The following CHST8 variants were observed in gnomAD, a reference collection of about 807,000 sequenced individuals.
CHST8 encodes the protein GALNAC-4-ST1.
CHST8 carries 10 observed loss-of-function variants against 15.0 expected under a neutral mutation model. That is an observed-to-expected ratio of 0.67 (90% CI 0.41 to 1.13). The LOEUF is 1.13. CHST8 is among the 50% of genes most tolerant of loss of function. The probability of loss-of-function intolerance (pLI) is 0.00; values close to 1 mark genes in which losing one functional copy is unlikely to be tolerated. For missense variants in CHST8, 634 were observed against 608.2 expected (o/e 1.04, Z -0.45); for synonymous variants, 259 against 256.6 (o/e 1.01, Z -0.09).
rs1600244159 is a variant in CHST8 at position 33,661,585 on chromosome 19, T to G, written c.-163-6182T>G. Reference sequence around the variant, plus strand: ...CATGGCTGGGCCATCAGGAAAGGGGTGATGCCCACTGCCTCACCACATTCT... The same window carrying G: ...CATGGCTGGGCCATCAGGAAAGGGGGGATGCCCACTGCCTCACCACATTCT... On this transcript the variant is annotated intron_variant, in intron 1 of 4. Coordinates refer to ENST00000650847, the MANE Select transcript of CHST8 (RefSeq NM_001127895.2). Among the ~76,000 whole-genome samples the G allele has an allele frequency of 7.2e-5, 11 of 151,818 alleles. 1 individual carries two copies. In the South Asian group the frequency reaches 2.3e-3, roughly 32 times the overall value.
intron 1 of CHST8, among the ~76,000 whole-genome samples, chr19:33,666,753 A>G (rs1318833841): frequency 6.6e-6 from 1 of 151,926 alleles, no homozygotes; most frequent in Non-Finnish European, 1.5e-5. Context: ...CCCAGGCTGG[A>G]GTGCAGTGGT....
chr19:33,747,319 A>C (rs1974332880), intron 3 of CHST8, among the ~76,000 whole-genome samples: 1 of 151,890 alleles, frequency 6.6e-6, no homozygotes, highest in African/African-American at 2.4e-5. Context: ...GTCCTTAGAG[A>C]TCTGACCTCA....
chr19:33,712,206 C>CT, intron 3 of CHST8, among the ~76,000 whole-genome samples: 1 of 152,352 alleles, frequency 6.6e-6, no homozygotes, highest in South Asian at 2.1e-4. Context: ...AGCTGGGTGG[C>CT]TGTTTAATCA....
intron 3 of CHST8, among the ~76,000 whole-genome samples, chr19:33,704,852 G>A (rs961730780): frequency 6.6e-6 from 1 of 151,190 alleles, no homozygotes. Context: ...GGAAGTTGCA[G>A]TGAGCTGAAA....
intron 3 of CHST8, among the ~76,000 whole-genome samples, chr19:33,691,890 A>T (rs1973105206): frequency 6.6e-6 from 1 of 152,212 alleles, no homozygotes; most frequent in Admixed American, 6.5e-5. Flanking sequence ...CCATGGCATG[A>T]ACTGTCCTGG....
At chr19:33,688,729 G>A (rs1600264910) in intron 2 of CHST8, among the ~76,000 whole-genome samples, 1 of 152,164 alleles carries the variant, frequency 6.6e-6, no homozygotes, top group South Asian at 2.1e-4. Flanking sequence ...AAGCAGGGTG[G>A]AGGCACATCC....
At chr19:33,755,103 G>A (rs942959140) in intron 3 of CHST8, among the ~76,000 whole-genome samples, 1 of 152,110 alleles carries the variant, frequency 6.6e-6, no homozygotes, top group East Asian at 1.9e-4. Flanking sequence ...CACCCCCCAG[G>A]GGCTCAGGAT....
intron 3 of CHST8, among the ~76,000 whole-genome samples, chr19:33,701,951 G>A (rs1023780682): frequency 6.6e-6 from 1 of 152,070 alleles, no homozygotes; most frequent in African/African-American, 2.4e-5. Context: ...CTTTCCTTTT[G>A]CTATTAGTTA....
intron 3 of CHST8, among the ~76,000 whole-genome samples, chr19:33,695,821 C>CTTTCTTTTTTTTTTTTTT (rs57718433): frequency 1.3e-5 from 1 of 76,234 alleles, no homozygotes; most frequent in African/African-American, 6.2e-5. Flanking sequence ...TTCTTTCTTT[C>CTTTCTTTTTTTTTTTTTT]TTTTTTTTTT....
chr19:33,632,139 C>CTTT (rs60403211), intron 1 of CHST8, among the ~76,000 whole-genome samples: 10 of 138,980 alleles, frequency 7.2e-5, no homozygotes, highest in Admixed American at 6.5e-4. Flanking sequence ...CTCTCTCTCT[C>CTTT]TTTTTTTTTT....
intron 3 of CHST8, among the ~76,000 whole-genome samples, chr19:33,726,572 G>C (rs550641375): frequency 9.5e-4 from 145 of 152,252 alleles, no homozygotes; most frequent in Non-Finnish European, 1.6e-3. Flanking sequence ...GTGAGCATCA[G>C]CTGGGAGGTG....
intron 1 of CHST8, among the ~76,000 whole-genome samples, chr19:33,643,951 G>A (rs1972316665): frequency 6.6e-6 from 1 of 151,712 alleles, no homozygotes; most frequent in African/African-American, 2.4e-5. Context: ...TTTATTTTTT[G>A]AAACGGAGTC....
chr19:33,640,423 C>A (rs1013930551), intron 1 of CHST8, among the ~76,000 whole-genome samples: 4 of 152,228 alleles, frequency 2.6e-5, no homozygotes, highest in African/African-American at 9.6e-5. Context: ...CTGTCCGTTC[C>A]TGTTCCAAGC....
intron 1 of CHST8, among the ~76,000 whole-genome samples, chr19:33,643,016 G>A (rs1412636174): frequency 2.0e-5 from 3 of 152,086 alleles, no homozygotes; most frequent in Non-Finnish European, 4.4e-5. Context: ...CATTTTGGGG[G>A]TTTTCGTTTT....
chr19:33,724,289 T>A (rs1023695387), intron 3 of CHST8, among the ~76,000 whole-genome samples: 1 of 152,120 alleles, frequency 6.6e-6, no homozygotes, highest in South Asian at 2.1e-4. Flanking sequence ...GTGTGGGGCC[T>A]GGGACCTCCA....
At chr19:33,761,325 C>A (rs1974723742) in intron 3 of CHST8, among the ~76,000 whole-genome samples, 3 of 151,868 alleles carry the variant, frequency 2.0e-5, no homozygotes, top group Non-Finnish European at 2.9e-5. Flanking sequence ...GAGACCTTGC[C>A]TCTATGAATT....
At position 33,755,193 on chromosome 19, in the gene CHST8, G is replaced by GTGCAACCACA. The variant is rs1470401682; in HGVS notation, c.131-16220_131-16219insTGCAACCACA. Among the ~76,000 whole-genome samples, 311 of 152,262 alleles carry GTGCAACCACA rather than the reference G, an allele frequency of 2.0e-3. 1 individual carries two copies. Among genetic ancestry groups the GTGCAACCACA allele is most frequent in the African/African-American group, 7.3e-3 (302 of 41,558 alleles). On this transcript the variant is annotated intron_variant, in intron 3 of 4. Transcript: ENST00000650847. Reference sequence around the variant, plus strand: ...GATTTTCACAGAAGCCTCTGGCACTGGAAACCTTCTGATGCCCCTGTCAAA... The same window carrying GTGCAACCACA: ...GATTTTCACAGAAGCCTCTGGCACTGTGCAACCACAGAAACCTTCTGATGCCCCTGTCAAA...
At chr19:33,674,062 T>A (rs970836169) in intron 2 of CHST8, among the ~76,000 whole-genome samples, 8 of 152,208 alleles carry the variant, frequency 5.3e-5, no homozygotes, top group African/African-American at 1.9e-4. Flanking sequence ...CCTTTTCTCC[T>A]CACTTCTGTC....
intron 3 of CHST8, among the ~76,000 whole-genome samples, chr19:33,716,976 CTT>C (rs1973676322): frequency 6.6e-6 from 1 of 152,116 alleles, no homozygotes; most frequent in Non-Finnish European, 1.5e-5. Flanking sequence ...AGAATTTCCT[CTT>C]TATAAGGATA....
Sources: allele counts gnomAD v4.1 joint callset (sites outside exome capture counted in the v4.1 genomes callset), GRCh38; gene constraint gnomAD v4.1.1; transcripts MANE v1.5; gene names NCBI Gene and HGNC (gene_info 2026-07-23, HGNC 2026-07-21).